The following CLVS1 variants were observed in gnomAD, a reference collection of about 807,000 sequenced individuals.
CLVS1 encodes the protein clavesin 1.
Under a neutral mutation model 33.1 loss-of-function variants are expected in CLVS1, and 10 were observed. The ratio of observed to expected loss-of-function variants is 0.30; its 90% CI spans 0.19 to 0.51. CLVS1 has a LOEUF of 0.51. Ranked by LOEUF, CLVS1 falls within the 20% of genes least tolerant of loss-of-function variation. CLVS1 has a pLI of 0.97. For synonymous variants in CLVS1, 163 were observed against 166.1 expected (o/e 0.98, Z 0.14); for missense variants, 343 against 433.4 (o/e 0.79, Z 1.85).
intron 2 of CLVS1, among the ~76,000 whole-genome samples, chr8:61,141,090 A>G (rs531889420): frequency 3.3e-5 from 5 of 152,218 alleles, no homozygotes; most frequent in Non-Finnish European, 5.9e-5. Flanking sequence ...GAACTCATCT[A>G]AATGGGTGTA....
intron 2 of CLVS1, among the ~76,000 whole-genome samples, chr8:61,253,569 A>C (rs1808999408): frequency 6.6e-6 from 1 of 152,342 alleles, no homozygotes; most frequent in Admixed American, 6.5e-5. Context: ...AATCAGACGT[A>C]GATTTGGTCT....
intron 2 of CLVS1, among the ~76,000 whole-genome samples, chr8:61,180,094 T>C (rs943319202): frequency 2.6e-5 from 4 of 151,226 alleles, no homozygotes; most frequent in African/African-American, 4.9e-5. Flanking sequence ...GACCACTAGG[T>C]AGACTAATAA....
chr8:61,217,279 A>G (rs1422314847), intron 2 of CLVS1, among the ~76,000 whole-genome samples: 3 of 152,164 alleles, frequency 2.0e-5, no homozygotes, highest in Non-Finnish European at 2.9e-5. Flanking sequence ...ACCATGAACC[A>G]CAAGAAGAGA....
intron 3 of CLVS1, among the ~76,000 whole-genome samples, chr8:61,408,377 T>G (rs932607588): frequency 2.6e-5 from 4 of 152,136 alleles, no homozygotes; most frequent in African/African-American, 9.7e-5. Flanking sequence ...GAAAAATAGT[T>G]AAAAGAGATT....
intron 2 of CLVS1, among the ~76,000 whole-genome samples, chr8:61,145,704 C>T (rs1806402406): frequency 6.6e-6 from 1 of 152,182 alleles, no homozygotes; most frequent in African/African-American, 2.4e-5. Context: ...CAGTTACCAA[C>T]CCCTCCCCTC....
chr8:61,388,286 CT>C (rs1247806116), intron 3 of CLVS1, among the ~76,000 whole-genome samples: 1 of 150,340 alleles, frequency 6.7e-6, no homozygotes, highest in African/African-American at 2.4e-5. Context: ...TGACTGACCA[CT>C]TATGTCATGG....
intron 2 of CLVS1, among the ~76,000 whole-genome samples, chr8:61,266,709 A>G (rs1809310592): frequency 6.6e-6 from 1 of 152,110 alleles, no homozygotes; most frequent in South Asian, 2.1e-4. Flanking sequence ...CACTCTCCCT[A>G]TGCAATGGTT....
At chr8:61,178,805 C>T (rs957513883) in intron 2 of CLVS1, among the ~76,000 whole-genome samples, 3 of 152,076 alleles carry the variant, frequency 2.0e-5, no homozygotes, top group African/African-American at 7.2e-5. Flanking sequence ...TGAGGGATTT[C>T]ATCACCACCA....
intron 2 of CLVS1, among the ~76,000 whole-genome samples, chr8:61,220,513 T>C (rs1206948453): frequency 6.6e-6 from 1 of 152,182 alleles, no homozygotes; most frequent in East Asian, 1.9e-4. Context: ...GCTCCATTTG[T>C]TTATATGTCT....
chr8:61,136,541 G>A (rs945918040), intron 2 of CLVS1, among the ~76,000 whole-genome samples: 2 of 152,198 alleles, frequency 1.3e-5, no homozygotes, highest in African/African-American at 4.8e-5. Flanking sequence ...CAGGGACATG[G>A]ATGGAGCTGG....
chr8:61,237,199 G>T (rs1014699069), intron 2 of CLVS1, among the ~76,000 whole-genome samples: 3 of 152,192 alleles, frequency 2.0e-5, no homozygotes, highest in Non-Finnish European at 4.4e-5. Context: ...TTTCAGCATA[G>T]CTGGCCAAGG....
intron 2 of CLVS1, among the ~76,000 whole-genome samples, chr8:61,308,809 A>G (rs1810729693): frequency 6.6e-6 from 1 of 152,180 alleles, no homozygotes; most frequent in Non-Finnish European, 1.5e-5. Context: ...ATGTTTGTAC[A>G]TGGGTACTAT....
intron 2 of CLVS1, among the ~76,000 whole-genome samples, chr8:61,251,255 G>C (rs187056782): frequency 2.8e-4 from 43 of 152,286 alleles, no homozygotes; most frequent in African/African-American, 1.0e-3. Flanking sequence ...TTGCATCCCA[G>C]GTATGAAGCC....
chr8:61,384,910 G>A (rs1233225609), intron 3 of CLVS1, among the ~76,000 whole-genome samples: 1 of 152,200 alleles, frequency 6.6e-6, no homozygotes, highest in Non-Finnish European at 1.5e-5. Flanking sequence ...ACAGGAAGCT[G>A]TGAGAAGAAT....
chr8:61,476,147 T>A (rs190856147), intron 5 of CLVS1, among the ~76,000 whole-genome samples: 1,618 of 152,350 alleles, frequency 0.011, 16 homozygotes, highest in Middle Eastern at 0.024. Context: ...TTCTGTTCCA[T>A]TGATCTATAT....
At chr8:61,261,975 C>CGTGTGTGT (rs57278209) in intron 2 of CLVS1, among the ~76,000 whole-genome samples, 113 of 111,054 alleles carry the variant, frequency 1.0e-3, no homozygotes, top group Non-Finnish European at 1.7e-3. Flanking sequence ...CTCATTGCTG[C>CGTGTGTGT]GTGTGTGTGT....
chr8:61,113,505 A>C (rs1236054584), intron 1 of CLVS1, among the ~76,000 whole-genome samples: 1 of 152,190 alleles, frequency 6.6e-6, no homozygotes, highest in Non-Finnish European at 1.5e-5. Context: ...TGAACTTGGT[A>C]ATACATCTGC....
At chr8:61,439,986 T>TC (rs1237110674) in intron 3 of CLVS1, among the ~76,000 whole-genome samples, 3 of 152,228 alleles carry the variant, frequency 2.0e-5, no homozygotes, top group African/African-American at 7.2e-5. Flanking sequence ...CATTCAGCCT[T>TC]CCCTTTGTCT....
intron 2 of CLVS1, among the ~76,000 whole-genome samples, chr8:61,249,112 T>A (rs1808880621): frequency 6.6e-6 from 1 of 152,174 alleles, no homozygotes; most frequent in African/African-American, 2.4e-5. Context: ...CTCCTTCCTG[T>A]GTCCATGTGT....
Sources: gnomAD v4.1 joint callset for allele counts (sites outside exome capture counted in the v4.1 genomes callset) on GRCh38, gnomAD v4.1.1 for gene constraint, MANE v1.5 for transcripts, NCBI Gene and HGNC (gene_info 2026-07-23, HGNC 2026-07-21) for gene names.